The following SPACA3 variants were observed in gnomAD, a reference collection of about 807,000 sequenced individuals.
SPACA3 encodes the protein sperm acrosome membrane-associated protein 3.
A neutral mutation model predicts 24.5 loss-of-function variants in SPACA3; 21 were observed. That is an observed-to-expected ratio of 0.86 (90% CI 0.61 to 1.24). SPACA3 has a LOEUF of 1.24. Among genes scored for constraint, SPACA3 ranks in the 50% most tolerant of loss-of-function variants. The pLI is 0.00. For synonymous variants in SPACA3, 115 were observed against 106.9 expected (o/e 1.08, Z -0.47); for missense variants, 278 against 275.5 (o/e 1.01, Z -0.06).
intron 1 of SPACA3, among the ~76,000 whole-genome samples, chr17:32,993,965 G>A (rs1415850704): frequency 6.6e-6 from 1 of 152,076 alleles, no homozygotes; most frequent in African/African-American, 2.4e-5. Context: ...ACAATGACGG[G>A]GTGGAGATGA....
chr17:32,992,702 C>T, intron 1 of SPACA3: 5 of 358,850 alleles, frequency 1.4e-5, no homozygotes, highest in South Asian at 1.0e-4. Context: ...AAGTATGAGT[C>T]AGAGTTAACC....
rs771225248 is a variant in SPACA3, at chr17:32,996,772, G to A, written c.344-71G>A. On this transcript the variant is annotated intron_variant, in intron 2 of 4. Coordinates refer to ENST00000269053, the MANE Select transcript of SPACA3 (RefSeq NM_173847.5). ...GCTCGGTGGAGCCAGCGTGGGACCT[G>A]TGCAGTGAGCACCCTGGTCTGGGGT... The A allele has an allele frequency of 1.8e-4, 255 of 1,421,020 alleles. 1 individual carries two copies. The highest frequency in any genetic ancestry group is 3.0e-4 in the South Asian group (17 of 56,906). The allele number at this position is 1,421,020 out of a possible 1,614,324, so 88.0% of individuals were successfully genotyped here.
chr17:32,991,870 G>A lies in SPACA3; in HGVS notation c.-69G>A. 1 of 1,610,674 alleles carries A rather than the reference G, an allele frequency of 6.2e-7. No individual in the cohort carries two copies. The highest frequency in any genetic ancestry group is 8.5e-7 in the Non-Finnish European group (1 of 1,177,292). On this transcript the variant is annotated 5_prime_UTR_variant, in exon 1 of 5. Transcript: ENST00000269053. ...TTAACACTGGGTGCCTGGGGCCCTG[G>A]CAAGGTTGTGGGGGACATCTTGAGC...
At chr17:32,996,461 C>CCCAGT (rs1333986105) in intron 2 of SPACA3, among the ~76,000 whole-genome samples, 1 of 146,302 alleles carries the variant, frequency 6.8e-6, no homozygotes, top group Non-Finnish European at 1.5e-5. Context: ...TACACTGCAG[C>CCCAGT]CTGGGCAACA....
chr17:32,995,813 G>A, intron 2 of SPACA3, 96 bp downstream of exon 2: 3 of 1,329,384 alleles, frequency 2.3e-6, no homozygotes, highest in Non-Finnish European at 3.1e-6. Flanking sequence ...GTGGCTTCGG[G>A]AGCTTTTAGA....
chr17:32,993,276 C>A (rs1750279303), intron 1 of SPACA3, among the ~76,000 whole-genome samples: 1 of 152,160 alleles, frequency 6.6e-6, no homozygotes, highest in South Asian at 2.1e-4. Flanking sequence ...AAGTGTCCTG[C>A]CAGTAGCTGC....
chr17:32,992,753 G>A, intron 1 of SPACA3: 1 of 398,242 alleles, frequency 2.5e-6, no homozygotes, highest in East Asian at 7.1e-5. Flanking sequence ...AGAAAGCAAG[G>A]TCATTGTGAG....
chr17:32,997,012 C>A lies in SPACA3; in HGVS notation c.502+11C>A. 6.6e-7 allele frequency: 1 copy of A among 1,506,430 alleles called. No homozygotes were observed. Among genetic ancestry groups the A allele is most frequent in the Non-Finnish European group, 8.9e-7 (1 of 1,126,096 alleles). 93.3% of individuals were successfully genotyped at this position (1,506,430 alleles called of 1,614,324 possible). A position where few individuals can be genotyped will look rare whatever the true frequency, so the allele number is the denominator to read the frequency against. ...GGATGTACTGCTCAGGTAGCTGGGC[C>A]TGGGCCCAGGGCTGGCAGGAGTCAG... On this transcript the variant is annotated intron_variant, in intron 3 of 4. Transcript: ENST00000269053.
intron 1 of SPACA3, chr17:32,993,068 T>C: frequency 2.5e-6 from 1 of 404,848 alleles, no homozygotes; most frequent in Non-Finnish European, 5.0e-6. Flanking sequence ...ACATTGGGAC[T>C]GATTGGTTGG....
Position 32,994,457 on chromosome 17 carries a change from G to A in SPACA3, c.35-952G>A, listed in dbSNP as rs76562634. Among the ~76,000 whole-genome samples the A allele has an allele frequency of 1.2e-3, 186 of 152,246 alleles. 2 individuals are homozygous for A. The East Asian group carries it at 0.022, about 18-fold the overall frequency. ...TGACCTCAACCACTTTGTCATCCTCGGGGGCATTCAAGGTCCCGTGGAGGT... is the reference window on the plus strand; with the variant it reads ...TGACCTCAACCACTTTGTCATCCTCAGGGGCATTCAAGGTCCCGTGGAGGT... On this transcript the variant is annotated intron_variant, in intron 1 of 4. Coordinates refer to ENST00000269053, the MANE Select transcript of SPACA3 (RefSeq NM_173847.5).
Position 32,997,517 on chromosome 17 carries a change from G to T in SPACA3, c.575G>T (p.Gly192Val). The change falls in exon 4 of 5, where the codon GGT becomes GTT. Residue 192 changes from glycine (G) to valine (V), a missense_variant. Transcript: ENST00000269053. ...MKITQEPQGL[G>V]YWEAWRHHCQ... is the part of the protein sequence containing the mutation. ...ATAACCCAAGAGCCTCAGGGTCTGG[G>T]TTACTGGTAAGTAACTTGGGCTGGA... 1 of 1,613,960 alleles carries T rather than the reference G, an allele frequency of 6.2e-7. No individual in the cohort carries two copies. The highest frequency in any genetic ancestry group is 8.5e-7 in the Non-Finnish European group (1 of 1,179,888).
Position 32,995,420 on chromosome 17 carries a change from A to G in SPACA3, c.46A>G (p.Ser16Gly). Residue 16 changes from serine (S) to glycine (G), a missense_variant, in exon 2 of 5, where the codon AGC becomes GGC. By Grantham distance (56) the Ser-to-Gly change is moderately conservative (BLOSUM62 0). Transcript: ENST00000269053. ...RGAPLIRVHS[S>G]PVSSPSVSGP... ...CTCCCCTTTCCCAGGGGTGCACTCA[A>G]GCCCTGTTTCTTCTCCTTCTGTGAG... is the stretch of plus-strand genomic sequence containing the variant. 6.2e-7 allele frequency: 1 copy of G among 1,600,026 alleles called. No individual in the cohort carries two copies. Among genetic ancestry groups the G allele is most frequent in the East Asian group, 2.2e-5 (1 of 44,708 alleles).
Position 32,996,833 on chromosome 17 carries a change from C to T in SPACA3, c.344-10C>T, listed in dbSNP as rs1253371977. ...ATCTGACCCCCAGGCCTATGCTCTG[C>T]CCTATGCAGGGGTCTGCCTTGCTTA... On this transcript the variant is annotated splice_polypyrimidine_tract_variant and intron_variant, in intron 2 of 4. Transcript: ENST00000269053. The T allele has an allele frequency of 6.4e-7, 1 of 1,562,760 alleles. No individual in the cohort carries two copies.
In SPACA3 at chr17:32,996,855, C is replaced by CT; in HGVS notation, c.358dup (p.Tyr120LeufsTer16). 3 of 1,598,324 alleles carry CT rather than the reference C, an allele frequency of 1.9e-6. No homozygotes were observed. Among genetic ancestry groups the CT allele is most frequent in the Non-Finnish European group, 2.6e-6 (3 of 1,172,106 alleles). ...CTGCCCTATGCAGGGGTCTGCCTTG[C>CT]TTATTTCACAAGCGGTTTCAACGCA... On this transcript the variant is annotated frameshift_variant, in exon 3 of 5. Coordinates refer to ENST00000269053, the MANE Select transcript of SPACA3 (RefSeq NM_173847.5). LOFTEE classifies it high-confidence loss of function.
chr17:32,995,729 T>C lies in SPACA3; in HGVS notation c.343+12T>C. 2 of 1,606,360 alleles carry C rather than the reference T, an allele frequency of 1.2e-6. No individual in the cohort carries two copies. The highest frequency in any genetic ancestry group is 1.7e-6 in the Non-Finnish European group (2 of 1,174,230). ...CAGCCTGGCTGACTGTGAGAACCCC[T>C]CTCCCTGGCGGGCCCTGACTTCCCC... is the stretch of plus-strand genomic sequence containing the variant. On this transcript the variant is annotated intron_variant, in intron 2 of 4. Transcript: ENST00000269053.
At chr17:32,993,135 T>C (rs756234581) in intron 1 of SPACA3, 3 of 370,068 alleles carry the variant, frequency 8.1e-6, no homozygotes, top group Non-Finnish European at 1.6e-5. Flanking sequence ...TATTTCCAGT[T>C]TGGGTAAATG....
At chr17:32,994,264 C>A (rs73982365) in intron 1 of SPACA3, among the ~76,000 whole-genome samples, 2 of 152,138 alleles carry the variant, frequency 1.3e-5, no homozygotes, top group Non-Finnish European at 1.5e-5. Flanking sequence ...CCAAGAGCTA[C>A]GCTGTGCCCA....
intron 1 of SPACA3, 98 bp from the exon 2 acceptor site, chr17:32,995,311 G>A (rs551229088): frequency 3.4e-5 from 40 of 1,189,338 alleles, no homozygotes; most frequent in East Asian, 2.6e-4. Flanking sequence ...GGCTGGTCTC[G>A]GGGTCAGGGT....
chr17:32,992,070 G>T (rs1054828752), intron 1 of SPACA3, 98 bp downstream of exon 1: 14 of 1,341,150 alleles, frequency 1.0e-5, no homozygotes, highest in Non-Finnish European at 1.3e-5. Flanking sequence ...TGGTTAGGGT[G>T]GGGTTATCCT....
Sources: allele counts gnomAD v4.1 joint callset (sites outside exome capture counted in the v4.1 genomes callset), GRCh38; gene constraint gnomAD v4.1.1; transcripts MANE v1.5; gene names NCBI Gene and HGNC (gene_info 2026-07-23, HGNC 2026-07-21).